The following PPARGC1B variants were observed in gnomAD, a reference collection of about 807,000 sequenced individuals.
PPARGC1B encodes PPARG coactivator 1 beta.
In PPARGC1B, 34 loss-of-function variants were observed where a neutral mutation model predicts 101.6. The observed-to-expected ratio is 0.33, with a 90% CI of 0.25 to 0.45. PPARGC1B has a LOEUF of 0.45. PPARGC1B is among the 20% of genes least tolerant of loss of function. The pLI, the probability that PPARGC1B is intolerant of heterozygous loss-of-function variation, is 1.00. For synonymous variants in PPARGC1B, 548 were observed against 539.3 expected (o/e 1.02, Z -0.22); for missense variants, 1,234 against 1,317.6 (o/e 0.94, Z 0.98).
chr5:149,780,674 G>T (rs576914518), intron 1 of PPARGC1B, among the ~76,000 whole-genome samples: 13 of 152,354 alleles, frequency 8.5e-5, no homozygotes, highest in Admixed American at 8.5e-4. Context: ...TTAATAGAAA[G>T]CTGGGGCCTA....
At chr5:149,830,708 G>T (rs1758746791) in intron 3 of PPARGC1B, 59 bp from the exon 4 acceptor site, 1 of 1,301,574 alleles carries the variant, frequency 7.7e-7, no homozygotes, top group Admixed American at 1.7e-5. Context: ...TGGCCATGCA[G>T]TCCATGTCCT....
At chr5:149,817,826 A>G (rs968074005) in intron 1 of PPARGC1B, 1 of 456,752 alleles carries the variant, frequency 2.2e-6, no homozygotes, top group Admixed American at 2.3e-5. Context: ...TTATAAACTT[A>G]CACACATGCT....
intron 1 of PPARGC1B, among the ~76,000 whole-genome samples, chr5:149,757,887 C>T (rs1411487593): frequency 1.3e-5 from 2 of 152,242 alleles, no homozygotes; most frequent in Non-Finnish European, 2.9e-5. Flanking sequence ...AGGCCTTGGA[C>T]TCCCATGGAC....
At chr5:149,830,030 CAAAAAAAAAAAAAAAAAAAAAAA>C (rs60711433) in intron 3 of PPARGC1B, among the ~76,000 whole-genome samples, 1 of 34,264 alleles carries the variant, frequency 2.9e-5, no homozygotes, top group Non-Finnish European at 5.7e-5. Flanking sequence ...GACTGCATCT[CAAAAAAAAAAAAAAAAAAAAAAA>C]AGAAAAAAAA....
At chr5:149,817,032 C>T (rs1758082414) in intron 1 of PPARGC1B, among the ~76,000 whole-genome samples, 1 of 152,204 alleles carries the variant, frequency 6.6e-6, no homozygotes, top group South Asian at 2.1e-4. Flanking sequence ...TCCTCCATCC[C>T]CCACCCCTGG....
intron 1 of PPARGC1B, among the ~76,000 whole-genome samples, chr5:149,800,121 T>G (rs1357465552): frequency 2.0e-5 from 3 of 152,172 alleles, no homozygotes; most frequent in Non-Finnish European, 4.4e-5. Context: ...CCTAACCAAC[T>G]CCTTATTCCT....
intron 1 of PPARGC1B, among the ~76,000 whole-genome samples, chr5:149,807,494 T>C (rs1354177350): frequency 6.6e-6 from 1 of 152,080 alleles, no homozygotes; most frequent in Non-Finnish European, 1.5e-5. Flanking sequence ...TTCCAGCGAG[T>C]AGACTGCCAG....
rs1267552688 is a variant in PPARGC1B, at chr5:149,778,079, A to G, written c.79-42354A>G. Among the ~76,000 whole-genome samples, 875 of 110,764 alleles carry G rather than the reference A, an allele frequency of 7.9e-3. 36 individuals carry two copies. Among genetic ancestry groups the G allele is most frequent in the Non-Finnish European group, 0.012 (664 of 54,908 alleles). 72.7% of individuals were successfully genotyped at this position (110,764 alleles called of 152,430 possible). ...AGCAGCATCTCACACACACACACACACACACACACACACACACACACACAC... is the reference window on the plus strand; with the variant it reads ...AGCAGCATCTCACACACACACACACGCACACACACACACACACACACACAC... On this transcript the variant is annotated intron_variant, in intron 1 of 11. Transcript: ENST00000309241.
At chr5:149,745,487 G>C (rs907137863) in intron 1 of PPARGC1B, among the ~76,000 whole-genome samples, 17 of 152,098 alleles carry the variant, frequency 1.1e-4, no homozygotes, top group African/African-American at 4.1e-4. Flanking sequence ...CCCTGCTTTG[G>C]TACTAAAAAT....
chr5:149,793,008 A>C (rs6867124), intron 1 of PPARGC1B, among the ~76,000 whole-genome samples: 1,749 of 152,116 alleles, frequency 0.011, 34 homozygotes, highest in African/African-American at 0.04. Context: ...TAGTAGCCAC[A>C]GCCTTGTGGC....
intron 1 of PPARGC1B, among the ~76,000 whole-genome samples, chr5:149,799,357 C>T (rs1239660121): frequency 6.6e-6 from 1 of 152,178 alleles, no homozygotes; most frequent in African/African-American, 2.4e-5. Flanking sequence ...CTCTTCTCCT[C>T]CCCACCCCTA....
chr5:149,833,915 C>T lies in PPARGC1B; in HGVS notation c.1705+137C>T. 2 of 1,278,730 alleles carry T rather than the reference C, an allele frequency of 1.6e-6. No individual in the cohort carries two copies. Among genetic ancestry groups the T allele is most frequent in the South Asian group, 2.5e-5 (1 of 40,396 alleles). 79.2% of individuals were successfully genotyped at this position (1,278,730 alleles called of 1,614,324 possible). A position where few individuals can be genotyped will look rare whatever the true frequency, so the allele number is the denominator to read the frequency against. On this transcript the variant is annotated intron_variant, in intron 5 of 11. Coordinates refer to ENST00000309241, the MANE Select transcript of PPARGC1B (RefSeq NM_133263.4). This position sits in a 1 kb window ranked among gnomAD's most constrained non-coding sequence, Gnocchi z 4.1. ...TATATGGGTTTGGACAAGTCCCTTC[C>T]CCTCCCTGGCTTTCAGCTTTTCTTT...
chr5:149,799,190 C>T (rs1164668066), intron 1 of PPARGC1B, among the ~76,000 whole-genome samples: 2 of 152,168 alleles, frequency 1.3e-5, no homozygotes, highest in Non-Finnish European at 2.9e-5. Context: ...TTATTTCACA[C>T]ACCTCTATAT....
At chr5:149,824,396 C>G (rs945204356) in intron 2 of PPARGC1B, among the ~76,000 whole-genome samples, 1 of 152,164 alleles carries the variant, frequency 6.6e-6, no homozygotes, top group Non-Finnish European at 1.5e-5. Flanking sequence ...AGTAAATCTG[C>G]CGTGGTGCCT....
intron 1 of PPARGC1B, among the ~76,000 whole-genome samples, chr5:149,767,242 A>G (rs954499241): frequency 1.3e-5 from 2 of 152,182 alleles, no homozygotes; most frequent in Non-Finnish European, 2.9e-5. Context: ...GTGGGTGTTC[A>G]TGCAGGGAAG....
chr5:149,814,491 G>T (rs553948659), intron 1 of PPARGC1B, among the ~76,000 whole-genome samples: 10 of 152,240 alleles, frequency 6.6e-5, no homozygotes, highest in East Asian at 3.9e-4. Context: ...GAGGACCAGA[G>T]GGGGGAGGTG....
chr5:149,808,187 G>A (rs537625812), intron 1 of PPARGC1B, among the ~76,000 whole-genome samples: 1 of 152,216 alleles, frequency 6.6e-6, no homozygotes, highest in South Asian at 2.1e-4. Flanking sequence ...TGGATATTTT[G>A]CATTAATTTT....
chr5:149,807,109 G>A (rs1441234060), intron 1 of PPARGC1B, among the ~76,000 whole-genome samples: 5 of 151,544 alleles, frequency 3.3e-5, no homozygotes, highest in South Asian at 2.1e-4. Flanking sequence ...ATAGGCATAC[G>A]CTACTGTGCC....
chr5:149,827,267 G>A (rs1037837598), intron 3 of PPARGC1B, among the ~76,000 whole-genome samples: 46 of 152,242 alleles, frequency 3.0e-4, no homozygotes, highest in Non-Finnish European at 3.2e-4. Context: ...TCTCTCTGTT[G>A]CTTTTTCCTG....
Sources: allele counts gnomAD v4.1 joint callset (sites outside exome capture counted in the v4.1 genomes callset), GRCh38; gene constraint gnomAD v4.1.1; non-coding constraint Gnocchi (gnomAD v3.1); transcripts MANE v1.5; gene names NCBI Gene and HGNC (gene_info 2026-07-23, HGNC 2026-07-21).